DHX30: variants seen among roughly 807,000 people sequenced by gnomAD.
DHX30 encodes the protein ATP-dependent RNA helicase DHX30.
DHX30 carries 4 observed loss-of-function variants against 116.9 expected under a neutral mutation model. The ratio of observed to expected loss-of-function variants is 0.03; its 90% CI spans 0.02 to 0.08. DHX30 has a LOEUF of 0.08. DHX30 is among the 10% of genes least tolerant of loss of function. The pLI, the probability that DHX30 is intolerant of heterozygous loss-of-function variation, is 1.00. For missense variants in DHX30, 871 were observed against 1,595.1 expected (o/e 0.55, Z 7.73); for synonymous variants, 697 against 651.7 (o/e 1.07, Z -1.06).
In DHX30 at chr3:47,847,389, G is replaced by A. The variant is rs375023215; in HGVS notation, c.2005+41G>A. On this transcript the variant is annotated intron_variant, in intron 12 of 21. Transcript: ENST00000445061. The surrounding 1 kb of genome is among the most constrained non-coding windows in gnomAD (Gnocchi z 5.5). ...TCTGTCCCATGCTAGCCCTGGCCAC[G>A]TTTGCAGCAACAGCTGGCTCATGCC... 213 of 1,614,088 alleles carry A rather than the reference G, an allele frequency of 1.3e-4. No individual in the cohort carries two copies. Among genetic ancestry groups the A allele is most frequent in the Non-Finnish European group, 1.6e-4 (194 of 1,180,022 alleles).
At position 47,823,384 on chromosome 3, in the gene DHX30, A is replaced by G. The variant is rs374744442; in HGVS notation, c.125-3963A>G. On this transcript the variant is annotated intron_variant, in intron 4 of 21. Coordinates refer to ENST00000445061, the MANE Select transcript of DHX30 (RefSeq NM_138615.3). ...TTTTTTTTTTTTTTTTGTCTTTTTG[A>G]GACGGAGTCTCACTCTGTTGCCAGG... Among the ~76,000 whole-genome samples the G allele has an allele frequency of 3.9e-5, 5 of 127,104 alleles. No homozygotes were observed. In the East Asian group the frequency reaches 1.0e-3, roughly 26 times the overall value. The allele number at this position is 127,104 out of a possible 152,430, so 83.4% of individuals were successfully genotyped here. A position where few individuals can be genotyped will look rare whatever the true frequency, so the allele number is the denominator to read the frequency against.
At chr3:47,841,776 T>A (rs1195404266) in intron 8 of DHX30, 39 bp downstream of exon 8, 4 of 1,613,978 alleles carry the variant, frequency 2.5e-6, no homozygotes, top group Admixed American at 1.7e-5. Context: ...GGGGGCCGTT[T>A]ACTTGGTCAT....
chr3:47,841,516 TC>T, intron 7 of DHX30, 100 bp from the exon 8 acceptor site: 1 of 1,522,640 alleles, frequency 6.6e-7, no homozygotes, highest in Non-Finnish European at 8.9e-7. Flanking sequence ...CCCTTCTGGC[TC>T]CCTGCTGCAG....
At position 47,847,212 on chromosome 3, in the gene DHX30, T is replaced by C. The variant is rs539941588; in HGVS notation, c.1930-61T>C. 6.2e-7 allele frequency: 1 copy of C among 1,604,486 alleles called. No homozygotes were observed. Among genetic ancestry groups the C allele is most frequent in the Admixed American group, 1.7e-5 (1 of 59,998 alleles). ...TCCGTCTCACTGAGTCAGGTGGCTG[T>C]GTCCTTGGCATGACCCCTTACCCCG... is the stretch of plus-strand genomic sequence containing the variant. On this transcript the variant is annotated intron_variant, in intron 11 of 21. Transcript: ENST00000445061. The surrounding 1 kb of genome is among the most constrained non-coding windows in gnomAD (Gnocchi z 5.5).
chr3:47,814,136 G>A (rs1217646896), intron 3 of DHX30, among the ~76,000 whole-genome samples: 2 of 151,498 alleles, frequency 1.3e-5, no homozygotes, highest in East Asian at 3.9e-4. Context: ...TAAAAATCAC[G>A]ATCCTCAGCT....
rs1408183239 is a variant in DHX30 at position 47,816,367 on chromosome 3, T to TC, written c.29-1655_29-1654insC. 3.1e-6 allele frequency: 3 copies of TC among 983,564 alleles called. No homozygotes were observed. The East Asian group carries it at 3.4e-4, about 112-fold the overall frequency. 60.9% of individuals were successfully genotyped at this position (983,564 alleles called of 1,614,324 possible). On this transcript the variant is annotated intron_variant, in intron 3 of 21. Coordinates refer to ENST00000445061, the MANE Select transcript of DHX30 (RefSeq NM_138615.3). ...CAAAGAGCCGTCTTCTTTTTTTTTT[T>TC]TTTTTTTTTAAGACGGAGTCTTGTT...
At chr3:47,845,215 T>C (rs2037550692) in intron 9 of DHX30, among the ~76,000 whole-genome samples, 1 of 152,050 alleles carries the variant, frequency 6.6e-6, no homozygotes, top group Non-Finnish European at 1.5e-5. Context: ...TGAGACAGAG[T>C]CTCGCTCTGT....
Position 47,840,954 on chromosome 3 carries a change from C to A in DHX30, c.444C>A (p.Ser148=). 3 of 1,614,232 alleles carry A rather than the reference C, an allele frequency of 1.9e-6. No individual in the cohort carries two copies. Among genetic ancestry groups the A allele is most frequent in the Middle Eastern group, 1.6e-4 (1 of 6,062 alleles). ...GAGTGCTAGCTGATCGCTTTGGCTCCCCTGCCGACAGCTGGTGGCGTCCGG... is the reference window on the plus strand; with the variant it reads ...GAGTGCTAGCTGATCGCTTTGGCTCACCTGCCGACAGCTGGTGGCGTCCGG... The part of the protein sequence containing the change: ...KYRVLADRFG[S]PADSWWRPEP... The change falls in exon 7 of 22, where the codon TCC becomes TCA. Residue 148 remains serine (S), a synonymous_variant. Transcript: ENST00000445061.
At chr3:47,823,202 C>T (rs562554987) in intron 4 of DHX30, among the ~76,000 whole-genome samples, 20 of 152,054 alleles carry the variant, frequency 1.3e-4, no homozygotes, top group African/African-American at 4.8e-4. Flanking sequence ...GGAGAAACCA[C>T]CCCCATGATT....
At chr3:47,841,580 G>A (rs2037376777) in intron 7 of DHX30, 37 bp from the exon 8 acceptor site, 1 of 1,613,722 alleles carries the variant, frequency 6.2e-7, no homozygotes, top group Non-Finnish European at 8.5e-7. Context: ...GGTCCAGGAA[G>A]AGAGAATTCT....
intron 9 of DHX30, among the ~76,000 whole-genome samples, chr3:47,845,130 C>T (rs376893362): frequency 1.3e-5 from 2 of 152,114 alleles, no homozygotes; most frequent in East Asian, 3.8e-4. Context: ...TCAGGGCCTT[C>T]TCCAGACGTA....
At chr3:47,824,037 C>G (rs925829875) in intron 4 of DHX30, among the ~76,000 whole-genome samples, 1 of 131,368 alleles carries the variant, frequency 7.6e-6, no homozygotes, top group Non-Finnish European at 1.6e-5. Flanking sequence ...GAGCCTTGCT[C>G]TGTCACCCAG....
intron 6 of DHX30, among the ~76,000 whole-genome samples, chr3:47,837,194 A>G (rs989753079): frequency 1.3e-5 from 2 of 152,210 alleles, no homozygotes; most frequent in Admixed American, 6.5e-5. Context: ...CCGGGTGAAT[A>G]TGCGTGGCTA....
intron 2 of DHX30, among the ~76,000 whole-genome samples, chr3:47,806,195 G>A (rs2035513392): frequency 6.7e-6 from 1 of 149,704 alleles, no homozygotes; most frequent in South Asian, 2.1e-4. Context: ...CCAGGTTGGA[G>A]TGCAGTGGTG....
rs1460207908 is a variant in DHX30 at position 47,818,130 on chromosome 3, C to T, written c.124+13C>T. The T allele has an allele frequency of 2.6e-6, 2 of 778,914 alleles. No homozygotes were observed. Among genetic ancestry groups the T allele is most frequent in the African/African-American group, 3.4e-5 (2 of 59,086 alleles). The allele number at this position is 778,914 out of a possible 1,614,324, so 48.3% of individuals were successfully genotyped here. The stretch of plus-strand genomic sequence containing the variant: ...ACCATCTCTCGAGGTAAGGGAGGAG[C>T]CTTGCCTCCAGCAACAGCTTGGTCC... On this transcript the variant is annotated intron_variant, in intron 4 of 21. Coordinates refer to ENST00000445061, the MANE Select transcript of DHX30 (RefSeq NM_138615.3).
intron 10 of DHX30, 72 bp downstream of exon 10, chr3:47,845,924 C>T: frequency 6.5e-7 from 1 of 1,531,774 alleles, no homozygotes; most frequent in Non-Finnish European, 8.8e-7. Context: ...CTGAAGGCCT[C>T]CACCTGCGAC....
Position 47,818,065 on chromosome 3 carries a change from C to T in DHX30, c.72C>T (p.Pro24=). ...AGCGTCAGTGCAAACTTCCCCCACC[C>T]CGCCTTCCACCCATGTGTGTCAACC... The part of the protein sequence containing the change: ...HRQRQCKLPP[P]RLPPMCVNPT... Residue 24 remains proline (P), a synonymous_variant, in exon 4 of 22, where the codon CCC becomes CCT. Transcript: ENST00000445061. The T allele has an allele frequency of 2.6e-6, 2 of 781,070 alleles. No homozygotes were observed. The highest frequency in any genetic ancestry group is 4.8e-6 in the Non-Finnish European group (2 of 418,120). 48.4% of individuals were successfully genotyped at this position (781,070 alleles called of 1,614,324 possible).
At chr3:47,831,121 A>G (rs2036829281) in intron 6 of DHX30, 2 of 145,610 alleles carry the variant, frequency 1.4e-5, no homozygotes, top group African/African-American at 5.0e-5. Flanking sequence ...TAATGTATTA[A>G]AAAAAAAAAA....
At position 47,843,497 on chromosome 3, in the gene DHX30, C is replaced by T. The variant is rs1274908494; in HGVS notation, c.939+242C>T. 4.6e-5 allele frequency among the ~76,000 whole-genome samples: 7 copies of T among 152,330 alleles called. No individual in the cohort carries two copies. The South Asian group carries it at 1.0e-3, about 23-fold the overall frequency. On this transcript the variant is annotated intron_variant, in intron 9 of 21. Transcript: ENST00000445061. ...GCATTTTCCACACTGTTGGCCTGAA[C>T]CTGGTGAGGCCGGGAGGAAACTTGC...
Sources: gnomAD v4.1 joint callset for allele counts (sites outside exome capture counted in the v4.1 genomes callset) on GRCh38, gnomAD v4.1.1 for gene constraint, Gnocchi (gnomAD v3.1) non-coding constraint, MANE v1.5 for transcripts, NCBI Gene and HGNC (gene_info 2026-07-23, HGNC 2026-07-21) for gene names.